PRLR: variants seen among roughly 807,000 people sequenced by gnomAD.
The protein encoded by PRLR is prolactin receptor.
In PRLR, 13 loss-of-function variants were observed where a neutral mutation model predicts 40.2. The ratio of observed to expected loss-of-function variants is 0.32; its 90% confidence interval spans 0.21 to 0.51. The LOEUF (loss-of-function observed/expected upper bound fraction) is 0.51, where lower values mean the gene tolerates loss of function less well. PRLR is among the 20% of genes least tolerant of loss of function. The probability of loss-of-function intolerance (pLI) is 0.97; values close to 1 mark genes in which losing one functional copy is unlikely to be tolerated. For missense variants in PRLR, 656 were observed against 747.3 expected (o/e 0.88, Z 1.42); for synonymous variants, 269 against 278.7 (o/e 0.97, Z 0.35).
At chr5:35,168,796 G>T (rs77017037) in intron 1 of PRLR, among the ~76,000 whole-genome samples, 1,692 of 152,154 alleles carry the variant, frequency 0.011, 35 homozygotes, top group African/African-American at 0.039. Context: ...GTACATCATG[G>T]ATTTCACATA....
rs141471129 is a variant in PRLR, at chr5:35,162,577, C to T, written c.-105-44455G>A. On this transcript the variant is annotated intron_variant, in intron 1 of 9. Transcript: ENST00000618457. ...ACATACATGCCCTCCGAAGAGATTG[C>T]TACTTGGGACTGCAGTCTCAGAATG... Among the ~76,000 whole-genome samples the T allele has an allele frequency of 8.0e-4, 122 of 152,294 alleles. No individual in the cohort carries two copies. In the Middle Eastern group the frequency reaches 0.027, roughly 34 times the overall value.
intron 1 of PRLR, among the ~76,000 whole-genome samples, chr5:35,132,621 G>A (rs1773724248): frequency 6.6e-6 from 1 of 152,168 alleles, no homozygotes; most frequent in Middle Eastern, 3.2e-3. Context: ...AAACACATTG[G>A]TGAATTACTC....
chr5:35,219,112 G>C (rs570461914), intron 1 of PRLR, among the ~76,000 whole-genome samples: 1 of 152,158 alleles, frequency 6.6e-6, no homozygotes, highest in Admixed American at 6.5e-5. Context: ...GGATCATTCA[G>C]CCTCTAGATT....
chr5:35,071,374 T>G (rs987202991), intron 6 of PRLR, among the ~76,000 whole-genome samples: 11 of 152,186 alleles, frequency 7.2e-5, no homozygotes, highest in Non-Finnish European at 1.5e-4. Flanking sequence ...ACAAAGTAGC[T>G]GTTAAAGATA....
chr5:35,125,167 G>A (rs1237004051), intron 1 of PRLR, among the ~76,000 whole-genome samples: 2 of 152,166 alleles, frequency 1.3e-5, no homozygotes, highest in Non-Finnish European at 1.5e-5. Flanking sequence ...AGCATGAGAG[G>A]ACCAAATCAG....
intron 1 of PRLR, among the ~76,000 whole-genome samples, chr5:35,206,909 A>G (rs1776034537): frequency 6.6e-6 from 1 of 152,102 alleles, no homozygotes; most frequent in Non-Finnish European, 1.5e-5. Flanking sequence ...TGAGGGAAAA[A>G]TACTTCCATA....
intron 1 of PRLR, among the ~76,000 whole-genome samples, chr5:35,224,918 T>C (rs1156678387): frequency 2.0e-5 from 2 of 97,680 alleles, no homozygotes; most frequent in Non-Finnish European, 2.7e-5. Flanking sequence ...CTTTAGCTAG[T>C]GGACAAAAGA....
At chr5:35,098,917 C>T (rs1771695915) in intron 2 of PRLR, among the ~76,000 whole-genome samples, 1 of 152,174 alleles carries the variant, frequency 6.6e-6, no homozygotes, top group Non-Finnish European at 1.5e-5. Flanking sequence ...AATGAAGTGC[C>T]TTGGCCAAAT....
chr5:35,135,948 C>A (rs117717034), intron 1 of PRLR, among the ~76,000 whole-genome samples: 3,939 of 152,284 alleles, frequency 0.026, 86 homozygotes, highest in Middle Eastern at 0.092. Flanking sequence ...GCAGGATAAT[C>A]AGATTCCTTA....
intron 1 of PRLR, among the ~76,000 whole-genome samples, chr5:35,189,479 G>T (rs1775541020): frequency 6.6e-6 from 1 of 152,098 alleles, no homozygotes; most frequent in Non-Finnish European, 1.5e-5. Context: ...TACTAGGGAG[G>T]CTGAGGCTGA....
At chr5:35,075,577 G>T (rs1390410276) in intron 5 of PRLR, among the ~76,000 whole-genome samples, 1 of 152,224 alleles carries the variant, frequency 6.6e-6, no homozygotes, top group African/African-American at 2.4e-5. Context: ...AGCTCAAGGA[G>T]GCCGGCCTGC....
At chr5:35,100,370 A>T (rs1484444225) in intron 2 of PRLR, among the ~76,000 whole-genome samples, 1 of 152,094 alleles carries the variant, frequency 6.6e-6, no homozygotes, top group South Asian at 2.1e-4. Flanking sequence ...TTCAGTCGCC[A>T]CTCATTCACT....
chr5:35,190,143 G>A (rs778967576), intron 1 of PRLR, among the ~76,000 whole-genome samples: 2 of 152,084 alleles, frequency 1.3e-5, no homozygotes, highest in Non-Finnish European at 1.5e-5. Context: ...ACCCAGTTGT[G>A]GTACTTTGTT....
chr5:35,197,258 C>A (rs113828533), intron 1 of PRLR, among the ~76,000 whole-genome samples: 43 of 152,120 alleles, frequency 2.8e-4, no homozygotes, highest in Middle Eastern at 3.2e-3. Context: ...CAGATCCACC[C>A]GTGTGTTTGG....
In PRLR at chr5:35,061,570, T is replaced by G. The variant is rs1769039493; in HGVS notation, c.*3519A>C. ...GATTGGTCTTAGGCACTTAGGAAAA[T>G]GTAGAGTCTGTTATATAGCTAATAA... On this transcript the variant is annotated 3_prime_UTR_variant, in exon 10 of 10. Transcript: ENST00000618457. 1.3e-5 allele frequency: 2 copies of G among 152,150 alleles called. No homozygotes were observed. The highest frequency in any genetic ancestry group is 2.9e-5 in the Non-Finnish European group (2 of 68,046). The allele number at this position is 152,150 out of a possible 1,614,324, so 9.4% of individuals were successfully genotyped here. A position where few individuals can be genotyped will look rare whatever the true frequency, so the allele number is the denominator to read the frequency against.
chr5:35,073,515 T>TAA (rs1319218406), intron 5 of PRLR, among the ~76,000 whole-genome samples: 1 of 152,194 alleles, frequency 6.6e-6, no homozygotes, highest in Admixed American at 6.5e-5. Flanking sequence ...CTCCATGAAG[T>TAA]ACTATTATTG....
chr5:35,216,791 T>C (rs1460092675), intron 1 of PRLR, among the ~76,000 whole-genome samples: 1 of 152,226 alleles, frequency 6.6e-6, no homozygotes, highest in Non-Finnish European at 1.5e-5. Flanking sequence ...AAATATTCAG[T>C]TTCAAAAGTT....
At chr5:35,151,230 T>G (rs865849599) in intron 1 of PRLR, among the ~76,000 whole-genome samples, 56 of 152,144 alleles carry the variant, frequency 3.7e-4, no homozygotes, top group African/African-American at 1.2e-3. Context: ...CTAAGAGTAG[T>G]GTGTGATCCT....
intron 1 of PRLR, among the ~76,000 whole-genome samples, chr5:35,217,655 G>A (rs967660010): frequency 6.6e-6 from 1 of 152,126 alleles, no homozygotes; most frequent in East Asian, 1.9e-4. Context: ...AGGAGAGGGG[G>A]ACATTTTTAT....
Sources: allele counts gnomAD v4.1 joint callset (sites outside exome capture counted in the v4.1 genomes callset), GRCh38; gene constraint gnomAD v4.1.1; transcripts MANE v1.5; gene names NCBI Gene and HGNC (gene_info 2026-07-23, HGNC 2026-07-21).